Variants in RFX4 observed in about 807,000 individuals in gnomAD.
RFX4 encodes the protein transcription factor RFX4.
A neutral mutation model predicts 95.0 loss-of-function variants in RFX4; 10 were observed. That is an observed-to-expected ratio of 0.11 (90% CI 0.06 to 0.18). RFX4 has a LOEUF of 0.18. RFX4 is among the 10% of genes least tolerant of loss of function. RFX4 has a pLI of 1.00. For missense variants in RFX4, 640 were observed against 922.0 expected (o/e 0.69, Z 3.96); for synonymous variants, 321 against 340.7 (o/e 0.94, Z 0.64).
chr12:106,629,982 A>G (rs895769648), intron 2 of RFX4, among the ~76,000 whole-genome samples: 5 of 152,206 alleles, frequency 3.3e-5, no homozygotes, highest in African/African-American at 9.7e-5. Flanking sequence ...TGCCAATCTG[A>G]TAAGTAAGAA....
Position 106,720,866 on chromosome 12 carries a change from C to T in RFX4, c.1341C>T (p.Ala447=). Residue 447 remains alanine, a synonymous_variant, in exon 13 of 18, where the codon GCC becomes GCT. Coordinates refer to ENST00000392842, the MANE Select transcript of RFX4 (RefSeq NM_213594.3). The surrounding 1 kb of genome is among the most constrained non-coding windows in gnomAD (Gnocchi z 4.2). ...RVIRDMTLHS[A]PSFGSFHLIH... is the part of the protein sequence containing the mutation. ...TCCGGGACATGACCTTGCACAGCGC[C>T]CCCAGCTTCGGTAAGGCCACCCCAG... 6.2e-7 allele frequency: 1 copy of T among 1,612,628 alleles called. No individual in the cohort carries two copies. The highest frequency in any genetic ancestry group is 8.5e-7 in the Non-Finnish European group (1 of 1,179,962).
At chr12:106,741,069 C>G (rs1054415126) in intron 15 of RFX4, among the ~76,000 whole-genome samples, 1 of 152,142 alleles carries the variant, frequency 6.6e-6, no homozygotes, top group African/African-American at 2.4e-5. Context: ...GGAACTGATT[C>G]ATTTGCTGCC....
intron 15 of RFX4, among the ~76,000 whole-genome samples, chr12:106,739,061 C>A (rs2042761676): frequency 6.6e-6 from 1 of 150,564 alleles, no homozygotes; most frequent in Non-Finnish European, 1.5e-5. Flanking sequence ...ATCTACTTTC[C>A]AAAAAGTTTT....
chr12:106,641,042 A>G (rs147498893), intron 3 of RFX4, among the ~76,000 whole-genome samples: 70 of 152,266 alleles, frequency 4.6e-4, no homozygotes, highest in African/African-American at 1.6e-3. Flanking sequence ...TGGCCTGTCA[A>G]AGTGGTGGGA....
At chr12:106,605,721 G>T (rs748304602) in intron 1 of RFX4, among the ~76,000 whole-genome samples, 1 of 152,330 alleles carries the variant, frequency 6.6e-6, no homozygotes, top group Admixed American at 6.5e-5. Context: ...AACAAATGTG[G>T]TTCTTTGATG....
rs541402506 is a variant in RFX4, at chr12:106,678,049, G to C, written c.316-3944G>C. Among the ~76,000 whole-genome samples, 36 of 152,298 alleles carry C rather than the reference G, an allele frequency of 2.4e-4. 1 individual carries two copies. The East Asian group carries it at 6.2e-3, about 26-fold the overall frequency. ...AAAAAGAATAAGTAAAAACCATCAG[G>C]AATGAAGGGAGTCATAGATTAAATT... On this transcript the variant is annotated intron_variant, in intron 4 of 17. Coordinates refer to ENST00000392842, the MANE Select transcript of RFX4 (RefSeq NM_213594.3).
intron 1 of RFX4, among the ~76,000 whole-genome samples, chr12:106,587,623 T>G (rs996855771): frequency 2.0e-4 from 31 of 152,196 alleles, no homozygotes; most frequent in African/African-American, 7.2e-4. Context: ...CCGGGTTCTC[T>G]TCCAGCCTCC....
intron 13 of RFX4, among the ~76,000 whole-genome samples, chr12:106,723,486 C>T (rs1433257871): frequency 1.3e-5 from 2 of 152,168 alleles, no homozygotes; most frequent in Admixed American, 6.5e-5. Context: ...TAATAGTTCC[C>T]GGAAGTACTC....
chr12:106,692,163 A>G (rs1300822566), intron 7 of RFX4, among the ~76,000 whole-genome samples: 1 of 151,968 alleles, frequency 6.6e-6, no homozygotes, highest in Non-Finnish European at 1.5e-5. Flanking sequence ...CTCAAAAAAA[A>G]AAAAAAAAAT....
In RFX4 at chr12:106,623,168, A is replaced by G. The variant is rs1724520307; in HGVS notation, c.130+14285A>G. 2.0e-5 allele frequency among the ~76,000 whole-genome samples: 3 copies of G among 150,162 alleles called. No individual in the cohort carries two copies. In the South Asian group the frequency reaches 6.4e-4, roughly 32 times the overall value. ...ATTCTCCTGCCTCAGCCTCCCGAGT[A>G]GCTGGGACTACAGGCGCCCACCACT... On this transcript the variant is annotated intron_variant, in intron 2 of 17. Coordinates refer to ENST00000392842, the MANE Select transcript of RFX4 (RefSeq NM_213594.3).
At chr12:106,596,454 A>G (rs1032958036) in intron 1 of RFX4, among the ~76,000 whole-genome samples, 1 of 152,224 alleles carries the variant, frequency 6.6e-6, no homozygotes, top group Non-Finnish European at 1.5e-5. Flanking sequence ...TATCAGCAGC[A>G]TGAAAACGTA....
rs1193332574 is a variant in RFX4, at chr12:106,696,290, G to A, written c.677G>A (p.Ser226Asn). ...VIRANFDEVQ[S>N]FLLHFWQGMP... is the part of the protein sequence containing the mutation. ...CTCTGTGGGTCAATACAGGTTCAAAGTTTCCTTCTGCACTTTTGGCAAGGA... is the reference window on the plus strand; with the variant it reads ...CTCTGTGGGTCAATACAGGTTCAAAATTTCCTTCTGCACTTTTGGCAAGGA... The change falls in exon 8 of 18, where the codon AGT (serine) becomes AAT (asparagine). Residue 226 changes from serine to asparagine, a missense_variant. This residue lies in a region of RFX4 where 96 missense variants were observed against 183.7 expected (regional missense o/e 0.52). Coordinates refer to ENST00000392842, the MANE Select transcript of RFX4 (RefSeq NM_213594.3). 3.1e-6 allele frequency: 5 copies of A among 1,614,188 alleles called. No homozygotes were observed. Among genetic ancestry groups the A allele is most frequent in the Non-Finnish European group, 4.2e-6 (5 of 1,180,006 alleles).
rs766152831 is a variant in RFX4, at chr12:106,687,092, G to A, written c.586G>A (p.Glu196Lys). 1.2e-6 allele frequency: 2 copies of A among 1,613,154 alleles called. No individual in the cohort carries two copies. Among genetic ancestry groups the A allele is most frequent in the Non-Finnish European group, 1.7e-6 (2 of 1,179,770 alleles). ...DLNLPASLPE[E>K]KVSTFIMMYR... The stretch of plus-strand genomic sequence containing the variant: ...AAATCTGCCAGCCAGCCTGCCTGAG[G>A]AGAAGGTAACTACAACTGAAGTGAC... Residue 196 changes from glutamate (E) to lysine (K), a missense_variant, in exon 6 of 18, where the codon GAG (glutamate) becomes AAG (lysine). Physicochemically the swap from Glu to Lys is moderately conservative, Grantham distance 56. Transcript: ENST00000392842.
chr12:106,666,650 C>T (rs1421395321), intron 4 of RFX4, among the ~76,000 whole-genome samples: 1 of 152,130 alleles, frequency 6.6e-6, no homozygotes. Flanking sequence ...CTGTTGATAT[C>T]TACACAAGCT....
At chr12:106,602,090 C>T (rs2137185081) in intron 1 of RFX4, among the ~76,000 whole-genome samples, 1 of 152,284 alleles carries the variant, frequency 6.6e-6, no homozygotes, top group South Asian at 2.1e-4. Context: ...AGTGAGTGCA[C>T]CCCAGCCTCG....
At chr12:106,672,549 C>T (rs181303744) in intron 4 of RFX4, among the ~76,000 whole-genome samples, 241 of 152,246 alleles carry the variant, frequency 1.6e-3, no homozygotes, top group Non-Finnish European at 3.0e-3. Flanking sequence ...TATCAAACAG[C>T]GAAGCTCAAC....
chr12:106,694,240 T>C (rs1039132727), intron 7 of RFX4, among the ~76,000 whole-genome samples: 5 of 152,250 alleles, frequency 3.3e-5, no homozygotes, highest in African/African-American at 1.2e-4. Context: ...CAGAGGGGCA[T>C]GCCTTTATCC....
intron 4 of RFX4, among the ~76,000 whole-genome samples, chr12:106,667,610 C>T (rs2041202733): frequency 6.6e-6 from 1 of 152,276 alleles, no homozygotes; most frequent in South Asian, 2.1e-4. Flanking sequence ...TCAGGTGTTC[C>T]TACCACAGTA....
intron 15 of RFX4, among the ~76,000 whole-genome samples, chr12:106,735,357 G>C (rs370743253): frequency 2.0e-5 from 3 of 152,054 alleles, no homozygotes; most frequent in Admixed American, 6.6e-5. Flanking sequence ...TAGAGAGAAA[G>C]TGAAGATGTA....
Sources: allele counts gnomAD v4.1 joint callset (sites outside exome capture counted in the v4.1 genomes callset), GRCh38; gene constraint gnomAD v4.1.1; regional missense constraint gnomAD v4.1.1; non-coding constraint Gnocchi (gnomAD v3.1); transcripts MANE v1.5; gene names NCBI Gene and HGNC (gene_info 2026-07-23, HGNC 2026-07-21).